Variants in SUCLG2 observed in about 807,000 individuals in gnomAD.
The protein encoded by SUCLG2 is succinate-CoA ligase GDP-forming subunit beta, also known as succinate--CoA ligase [GDP-forming] subunit beta, mitochondrial.
A neutral mutation model predicts 47.9 loss-of-function variants in SUCLG2; 42 were observed. That is an observed-to-expected ratio of 0.88 (90% CI 0.69 to 1.14). The LOEUF (loss-of-function observed/expected upper bound fraction) is 1.14. Ranked by LOEUF, SUCLG2 falls within the 50% of genes most tolerant of loss-of-function variation. The pLI, the probability that SUCLG2 is intolerant of heterozygous loss-of-function variation, is 0.00. For synonymous variants in SUCLG2, 195 were observed against 197.3 expected, an observed-to-expected ratio of 0.99 and a Z score of 0.10; for missense variants, 571 against 525.9, an observed-to-expected ratio of 1.09 and a Z score of -0.84.
chr3:67,484,848 C>A (rs1705011201), intron 9 of SUCLG2, among the ~76,000 whole-genome samples: 1 of 152,130 alleles, frequency 6.6e-6, no homozygotes, highest in African/African-American at 2.4e-5. Context: ...GAGTATGTTG[C>A]TCCTTTACAA....
At chr3:67,621,342 T>C (rs1480507517) in intron 1 of SUCLG2, among the ~76,000 whole-genome samples, 1 of 152,124 alleles carries the variant, frequency 6.6e-6, no homozygotes, top group East Asian at 1.9e-4. Context: ...AAAAGAAATC[T>C]AGTATTAGAC....
intron 10 of SUCLG2, among the ~76,000 whole-genome samples, chr3:67,377,201 G>GT (rs1702052873): frequency 6.6e-6 from 1 of 152,192 alleles, no homozygotes; most frequent in Non-Finnish European, 1.5e-5. Context: ...CACAGAGGCG[G>GT]TAAGTGTCAG....
At chr3:67,518,832 A>C (rs1706021481) in intron 5 of SUCLG2, among the ~76,000 whole-genome samples, 1 of 152,196 alleles carries the variant, frequency 6.6e-6, no homozygotes, top group Non-Finnish European at 1.5e-5. Flanking sequence ...ACTATACATT[A>C]TTTCATGCAT....
At chr3:67,652,916 C>T (rs1323555066) in intron 1 of SUCLG2, among the ~76,000 whole-genome samples, 1 of 152,190 alleles carries the variant, frequency 6.6e-6, no homozygotes, top group East Asian at 1.9e-4. Flanking sequence ...CCTACTTTTA[C>T]CTTCTAAGAA....
intron 9 of SUCLG2, among the ~76,000 whole-genome samples, chr3:67,415,874 T>C (rs781383037): frequency 6.6e-6 from 1 of 152,240 alleles, no homozygotes; most frequent in East Asian, 1.9e-4. Context: ...CACATGACAG[T>C]GTGCGACTTT....
chr3:67,498,249 G>C lies in SUCLG2; in HGVS notation c.804C>G (p.Phe268Leu), dbSNP rs1430831861. The C allele has an allele frequency of 1.2e-6, 2 of 1,613,824 alleles. No individual in the cohort carries two copies. The highest frequency in any genetic ancestry group is 2.7e-5 in the African/African-American group (2 of 75,028). ...AKINFDDNAE[F>L]RQKDIFAMDD... ...CCATAGCAAATATGTCTTTTTGTCG[G>C]AATTCTGCGTTGTCATCAAAGTTTA... The change falls in exon 8 of 11, where the codon TTC becomes TTG. Residue 268 changes from phenylalanine (F) to leucine (L), a missense_variant. Physicochemically the swap from Phe to Leu is conservative, Grantham distance 22 (BLOSUM62 0). Transcript: ENST00000307227.
chr3:67,368,504 G>T (rs545011994), intron 10 of SUCLG2, among the ~76,000 whole-genome samples: 44 of 151,970 alleles, frequency 2.9e-4, no homozygotes, highest in African/African-American at 1.0e-3. Context: ...TTGTCTCCTA[G>T]TTCCTTTAAT....
chr3:67,630,833 C>T (rs1700912334), intron 1 of SUCLG2, among the ~76,000 whole-genome samples: 1 of 152,198 alleles, frequency 6.6e-6, no homozygotes, highest in Non-Finnish European at 1.5e-5. Flanking sequence ...AATCAACTGT[C>T]CTGAACTAAC....
chr3:67,540,464 G>A (rs1341273520), intron 2 of SUCLG2, among the ~76,000 whole-genome samples: 1 of 152,088 alleles, frequency 6.6e-6, no homozygotes, highest in African/African-American at 2.4e-5. Context: ...ACCGCAGCGT[G>A]GCAAAGTCAC....
At chr3:67,645,905 C>T (rs1162312970) in intron 1 of SUCLG2, among the ~76,000 whole-genome samples, 1 of 150,996 alleles carries the variant, frequency 6.6e-6, no homozygotes, top group Non-Finnish European at 1.5e-5. Flanking sequence ...CAAGCAGAAG[C>T]TGGGGACAAA....
chr3:67,501,187 T>C (rs1705487078), intron 7 of SUCLG2, among the ~76,000 whole-genome samples: 1 of 152,112 alleles, frequency 6.6e-6, no homozygotes, highest in Admixed American at 6.6e-5. Flanking sequence ...TTTTGGGAAG[T>C]TAAAAACACT....
chr3:67,578,089 A>C (rs1328574521), intron 2 of SUCLG2, among the ~76,000 whole-genome samples: 1 of 151,588 alleles, frequency 6.6e-6, no homozygotes, highest in African/African-American at 2.4e-5. Flanking sequence ...AACATTTTTA[A>C]CTCCTAACAC....
intron 9 of SUCLG2, among the ~76,000 whole-genome samples, chr3:67,491,928 A>G (rs1340280800): frequency 1.3e-5 from 2 of 152,340 alleles, no homozygotes; most frequent in African/African-American, 2.4e-5. Context: ...CAAGGCACAC[A>G]GAAGTTAAAT....
intron 9 of SUCLG2, among the ~76,000 whole-genome samples, chr3:67,453,822 T>C (rs1704115802): frequency 6.6e-6 from 1 of 152,206 alleles, no homozygotes; most frequent in Admixed American, 6.5e-5. Context: ...CACATGTGTA[T>C]CAGTTACAAA....
chr3:67,624,760 T>A (rs1700793988), intron 1 of SUCLG2, among the ~76,000 whole-genome samples: 1 of 152,108 alleles, frequency 6.6e-6, no homozygotes, highest in Non-Finnish European at 1.5e-5. Flanking sequence ...TTCAGAAAAC[T>A]AGATATCATG....
At chr3:67,645,254 T>C (rs1411154461) in intron 1 of SUCLG2, among the ~76,000 whole-genome samples, 2 of 152,184 alleles carry the variant, frequency 1.3e-5, no homozygotes, top group Non-Finnish European at 2.9e-5. Flanking sequence ...TATTTTATAC[T>C]GGTCATAAAA....
At chr3:67,585,509 G>C (rs1707992175) in intron 2 of SUCLG2, among the ~76,000 whole-genome samples, 1 of 152,318 alleles carries the variant, frequency 6.6e-6, no homozygotes, top group South Asian at 2.1e-4. Context: ...AGCAGGCAAA[G>C]GACATTCTTC....
intron 4 of SUCLG2, among the ~76,000 whole-genome samples, chr3:67,527,269 C>T (rs1706278732): frequency 6.6e-6 from 1 of 152,206 alleles, no homozygotes; most frequent in African/African-American, 2.4e-5. Flanking sequence ...AGACAGCTGC[C>T]ACCCCAAAAT....
At chr3:67,433,136 C>T (rs549026726) in intron 9 of SUCLG2, among the ~76,000 whole-genome samples, 1 of 152,152 alleles carries the variant, frequency 6.6e-6, no homozygotes, top group Non-Finnish European at 1.5e-5. Context: ...GAGGTTGCTG[C>T]TAGCCATTTC....
Sources: gnomAD v4.1 joint callset for allele counts (sites outside exome capture counted in the v4.1 genomes callset) on GRCh38, gnomAD v4.1.1 for gene constraint, MANE v1.5 for transcripts, NCBI Gene and HGNC (gene_info 2026-07-23, HGNC 2026-07-21) for gene names.